The following AKR1B15 variants were observed in gnomAD, a reference collection of about 807,000 sequenced individuals.
AKR1B15 encodes estradiol 17-beta-dehydrogenase AKR1B15.
A neutral mutation model predicts 38.5 loss-of-function variants in AKR1B15; 49 were observed. That is an observed-to-expected ratio of 1.27 (90% CI 1.01 to 1.62). AKR1B15 has a LOEUF of 1.62. Ranked by LOEUF, AKR1B15 falls within the 40% of genes most tolerant of loss-of-function variation. The probability of loss-of-function intolerance (pLI) is 0.00; values close to 1 mark genes in which losing one functional copy is unlikely to be tolerated. For missense variants in AKR1B15, 411 were observed against 381.6 expected, an observed-to-expected ratio of 1.08 and a Z score of -0.64; for synonymous variants, 137 against 135.5, an observed-to-expected ratio of 1.01 and a Z score of -0.08.
At chr7:134,562,250 G>A (rs1418703119) in intron 2 of AKR1B15, among the ~76,000 whole-genome samples, 2 of 152,210 alleles carry the variant, frequency 1.3e-5, no homozygotes, top group Non-Finnish European at 2.9e-5. Context: ...CAGACCCAAA[G>A]AGTGAGCAGC....
intron 2 of AKR1B15, among the ~76,000 whole-genome samples, chr7:134,562,947 CTTTCTGTCTT>C (rs1794454014): frequency 6.7e-6 from 1 of 149,442 alleles, no homozygotes; most frequent in Admixed American, 6.8e-5. Flanking sequence ...CCTTTACTCT[CTTTCTGTCTT>C]TTTCTGTCTG....
At chr7:134,552,357 A>G (rs896506220) in intron 1 of AKR1B15, among the ~76,000 whole-genome samples, 2 of 152,008 alleles carry the variant, frequency 1.3e-5, no homozygotes, top group Admixed American at 1.3e-4. Context: ...ATCCTCTCCT[A>G]CTGGCTTTAC....
chr7:134,576,522 G>T, intron 9 of AKR1B15, 92 bp downstream of exon 9: 1 of 1,459,438 alleles, frequency 6.9e-7, no homozygotes, highest in East Asian at 2.4e-5. Flanking sequence ...ACTCCTTAAA[G>T]GGGAAGAACA....
chr7:134,560,206 CTTGCT>C (rs1405182096), intron 2 of AKR1B15, among the ~76,000 whole-genome samples: 1 of 152,164 alleles, frequency 6.6e-6, no homozygotes, highest in Non-Finnish European at 1.5e-5. Context: ...GGCCTTGAGA[CTTGCT>C]TTGATCAATA....
intron 1 of AKR1B15, among the ~76,000 whole-genome samples, chr7:134,552,529 G>A (rs1360052661): frequency 6.6e-6 from 1 of 152,066 alleles, no homozygotes; most frequent in Non-Finnish European, 1.5e-5. Context: ...TTACAAGCTG[G>A]TATACTCACA....
At chr7:134,558,279 G>T (rs993731984) in intron 2 of AKR1B15, among the ~76,000 whole-genome samples, 65 of 152,324 alleles carry the variant, frequency 4.3e-4, no homozygotes, top group African/African-American at 1.5e-3. Context: ...CCATTTCAAA[G>T]TGTTCAGATC....
intron 3 of AKR1B15, chr7:134,565,595 G>T (rs374680224): frequency 1.7e-5 from 27 of 1,608,884 alleles, no homozygotes; most frequent in Non-Finnish European, 2.2e-5. Flanking sequence ...GGGCTGTTTG[G>T]GTGTTTTCTC....
At chr7:134,569,805 T>G (rs920218017) in intron 5 of AKR1B15, 36 of 352,358 alleles carry the variant, frequency 1.0e-4, no homozygotes, top group East Asian at 9.0e-4. Flanking sequence ...TTAAATCTCT[T>G]AATCCCATCA....
chr7:134,553,203 G>T (rs2117600137), intron 1 of AKR1B15, among the ~76,000 whole-genome samples: 1 of 152,224 alleles, frequency 6.6e-6, no homozygotes, highest in South Asian at 2.1e-4. Flanking sequence ...CGTGGGATAT[G>T]GTCGCCTATA....
At chr7:134,575,689 T>C (rs1454218420) in intron 7 of AKR1B15, 132 bp from the exon 8 acceptor site, 2 of 1,578,654 alleles carry the variant, frequency 1.3e-6, no homozygotes, top group East Asian at 2.2e-5. Flanking sequence ...ATCTCATGGG[T>C]GATTTAGCAA....
chr7:134,565,620 C>G (rs1794515506), intron 3 of AKR1B15: 68 of 1,589,950 alleles, frequency 4.3e-5, no homozygotes, highest in Non-Finnish European at 5.6e-5. Flanking sequence ...TACATTCAGC[C>G]AGAAAAGCCT....
At chr7:134,578,294 G>A (rs764067877) in intron 11 of AKR1B15, among the ~76,000 whole-genome samples, 9 of 152,146 alleles carry the variant, frequency 5.9e-5, no homozygotes, top group East Asian at 1.9e-4. Context: ...TCCTTTATAC[G>A]GGTTGGGTCA....
chr7:134,559,014 G>A (rs752997455), intron 2 of AKR1B15, among the ~76,000 whole-genome samples: 12 of 152,124 alleles, frequency 7.9e-5, no homozygotes, highest in Non-Finnish European at 1.0e-4. Flanking sequence ...TCACACCCGA[G>A]TCAAGAAGGT....
chr7:134,577,725 G>A lies in AKR1B15; in HGVS notation c.931G>A (p.Asp311Asn), dbSNP rs780544882. The change falls in exon 11 of 12, where the codon GAT (aspartate) becomes AAT (asparagine). Residue 311 changes from aspartate (D) to asparagine (N), a missense_variant. By Grantham distance (23) the Asp-to-Asn change is conservative. Around this residue, in one of 3 missense-constraint regions of AKR1B15, gnomAD observed 133 missense variants for 120.3 expected, o/e 1.11. Coordinates refer to ENST00000457545, the MANE Select transcript of AKR1B15 (RefSeq NM_001080538.3). ...CTAGGTCTTTGACTTTAAATTGAGTGATGAGGAGATGGCAACCATACTCAG... is the reference window on the plus strand; with the variant it reads ...CTAGGTCTTTGACTTTAAATTGAGTAATGAGGAGATGGCAACCATACTCAG... ...NIQVFDFKLS[D>N]EEMATILSFN... is the part of the protein sequence containing the mutation. 3.7e-6 allele frequency: 6 copies of A among 1,613,934 alleles called. No individual in the cohort carries two copies. The highest frequency in any genetic ancestry group is 4.2e-6 in the Non-Finnish European group (5 of 1,179,938).
intron 6 of AKR1B15, chr7:134,573,620 A>C: frequency 1.1e-6 from 1 of 872,434 alleles, no homozygotes; most frequent in Non-Finnish European, 1.4e-6. Flanking sequence ...GGAGGAAAAA[A>C]GTATAAAGAA....
rs536326188 is a variant in AKR1B15, at chr7:134,571,678, G to C, written c.510G>C (p.Trp170Cys). Residue 170 changes from tryptophan to cysteine, a missense_variant, in exon 6 of 12, where the codon TGG (tryptophan) becomes TGC (cysteine). Physicochemically the swap from Trp to Cys is radical, Grantham distance 215 (BLOSUM62 -2). This residue lies in a region of AKR1B15 where 254 missense variants were observed against 212.4 expected (regional missense o/e 1.20). Coordinates refer to ENST00000457545, the MANE Select transcript of AKR1B15 (RefSeq NM_001080538.3). ...GAAAAGGAACGTTCTTGGATGCCTG[G>C]GAGGTAGGTTCCAGCTTTGTCTAAG... The part of the protein sequence containing the change: ...ISGKGTFLDA[W>C]EAMEELVDEG... 65 of 1,613,206 alleles carry C rather than the reference G, an allele frequency of 4.0e-5. 1 individual carries two copies. The South Asian group carries it at 7.0e-4, about 17-fold the overall frequency.
chr7:134,571,582 A>T (rs1413431538), intron 5 of AKR1B15, 22 bp from the exon 6 acceptor site: 1 of 1,594,052 alleles, frequency 6.3e-7, no homozygotes, highest in East Asian at 2.2e-5. Context: ...ATTCCAGTAA[A>T]CTTTTCATTC....
Position 134,576,346 on chromosome 7 carries a change from T to A in AKR1B15, c.744-3T>A, listed in dbSNP as rs1431772691. On this transcript the variant is annotated splice_region_variant and splice_polypyrimidine_tract_variant and intron_variant, in intron 8 of 11. Coordinates refer to ENST00000457545, the MANE Select transcript of AKR1B15 (RefSeq NM_001080538.3). ...ATTCACATCAGCATCTTTCTGCCCC[T>A]AGGGCCAAACCTGAGGACCCTTCCC... The A allele has an allele frequency of 6.2e-7, 1 of 1,613,950 alleles. No individual in the cohort carries two copies. Among genetic ancestry groups the A allele is most frequent in the Non-Finnish European group, 8.5e-7 (1 of 1,179,896 alleles).
chr7:134,567,653 A>G (rs765329084), intron 3 of AKR1B15, among the ~76,000 whole-genome samples: 3 of 152,158 alleles, frequency 2.0e-5, no homozygotes, highest in Non-Finnish European at 2.9e-5. Flanking sequence ...TGTAATGACC[A>G]TTATCCAGAT....
Sources: allele counts gnomAD v4.1 joint callset (sites outside exome capture counted in the v4.1 genomes callset), GRCh38; gene constraint gnomAD v4.1.1; regional missense constraint gnomAD v4.1.1; transcripts MANE v1.5; gene names NCBI Gene and HGNC (gene_info 2026-07-23, HGNC 2026-07-21).